Variants in SIPA1L2 observed in about 807,000 individuals in gnomAD.
The protein encoded by SIPA1L2 is signal-induced proliferation-associated 1-like protein 2.
SIPA1L2 carries 56 observed loss-of-function variants against 163.9 expected under a neutral mutation model. The observed-to-expected ratio is 0.34, with a 90% CI of 0.28 to 0.43. The LOEUF (loss-of-function observed/expected upper bound fraction) is 0.43. Ranked by LOEUF, SIPA1L2 falls within the 20% of genes least tolerant of loss-of-function variation. The probability of loss-of-function intolerance (pLI) is 1.00; values close to 1 mark genes in which losing one functional copy is unlikely to be tolerated. For synonymous variants in SIPA1L2, 877 were observed against 865.7 expected (o/e 1.01, Z -0.23); for missense variants, 1,974 against 2,193.5 (o/e 0.90, Z 2.00).
intron 12 of SIPA1L2, among the ~76,000 whole-genome samples, chr1:232,442,699 A>G (rs1016081263): frequency 2.0e-5 from 3 of 152,230 alleles, no homozygotes; most frequent in African/African-American, 7.2e-5. Flanking sequence ...ATTCTGGTTG[A>G]AGACCTTGGT....
intron 1 of SIPA1L2, among the ~76,000 whole-genome samples, chr1:232,601,086 C>A (rs1308552192): frequency 6.6e-6 from 1 of 152,148 alleles, no homozygotes; most frequent in Non-Finnish European, 1.5e-5. Flanking sequence ...AGCAAGGGAC[C>A]AGCCAGGGAG....
chr1:232,626,887 AGGTGGTAGAGGCAG>A (rs1663104986), intron 1 of SIPA1L2, among the ~76,000 whole-genome samples: 1 of 152,212 alleles, frequency 6.6e-6, no homozygotes, highest in Admixed American at 6.5e-5. Context: ...CATTTGTGAC[AGGTGGTAGAGGCAG>A]GAAGCTCAAG....
At chr1:232,479,792 T>C (rs1470302729) in intron 6 of SIPA1L2, 62 bp from the exon 7 acceptor site, 18 of 1,448,138 alleles carry the variant, frequency 1.2e-5, no homozygotes, top group Non-Finnish European at 1.6e-5. Context: ...GCTTCGATAT[T>C]TAAAAGGTTA....
intron 3 of SIPA1L2, among the ~76,000 whole-genome samples, chr1:232,500,176 CT>C (rs1214900948): frequency 6.6e-6 from 1 of 152,234 alleles, no homozygotes; most frequent in East Asian, 1.9e-4. Context: ...CAAAATATTA[CT>C]GCTTATTGAC....
At chr1:232,562,092 C>T (rs1169058167) in intron 2 of SIPA1L2, among the ~76,000 whole-genome samples, 1 of 152,118 alleles carries the variant, frequency 6.6e-6, no homozygotes, top group African/African-American at 2.4e-5. Context: ...GGGCAGAGGA[C>T]ACTGGAGAAG....
chr1:232,541,303 G>T (rs955134392), intron 2 of SIPA1L2, among the ~76,000 whole-genome samples: 8 of 112,970 alleles, frequency 7.1e-5, no homozygotes, highest in African/African-American at 1.2e-4. Flanking sequence ...TAACATAACA[G>T]AATATATCTT....
At chr1:232,470,948 G>A (rs1363741188) in intron 8 of SIPA1L2, among the ~76,000 whole-genome samples, 4 of 152,248 alleles carry the variant, frequency 2.6e-5, no homozygotes, top group African/African-American at 4.8e-5. Flanking sequence ...TCCAAGGCAC[G>A]CATGTGGCCT....
At chr1:232,411,407 T>A (rs1397278378) in intron 19 of SIPA1L2, among the ~76,000 whole-genome samples, 1 of 152,196 alleles carries the variant, frequency 6.6e-6, no homozygotes, top group African/African-American at 2.4e-5. Context: ...ATGGCACAGT[T>A]CTGCACAGGT....
chr1:232,449,100 T>A lies in SIPA1L2; in HGVS notation c.3096-3314A>T, dbSNP rs145348000. ...CCATCCAATCACTCTGCAGTGAAGC[T>A]CATGGAACAACTAGATCGCTGAAGA... is the stretch of plus-strand genomic sequence containing the variant. On this transcript the variant is annotated intron_variant, in intron 10 of 22. Transcript: ENST00000674635. Among the ~76,000 whole-genome samples the A allele has an allele frequency of 5.8e-3, 876 of 151,892 alleles. 8 individuals carry two copies. Among genetic ancestry groups the A allele is most frequent in the African/African-American group, 0.02 (827 of 41,406 alleles).
At chr1:232,550,006 T>C (rs535166117) in intron 2 of SIPA1L2, among the ~76,000 whole-genome samples, 1 of 152,218 alleles carries the variant, frequency 6.6e-6, no homozygotes, top group Non-Finnish European at 1.5e-5. Context: ...AAATAGAGAA[T>C]AGCTGATCAA....
chr1:232,538,307 A>C (rs1243508219), intron 2 of SIPA1L2, among the ~76,000 whole-genome samples: 1 of 152,188 alleles, frequency 6.6e-6, no homozygotes, highest in Admixed American at 6.5e-5. Context: ...GGTATGGGGC[A>C]GATGAGGAAG....
chr1:232,490,046 A>T (rs1244546332), intron 5 of SIPA1L2, among the ~76,000 whole-genome samples: 1 of 152,158 alleles, frequency 6.6e-6, no homozygotes, highest in Non-Finnish European at 1.5e-5. Context: ...CCTAAAATAC[A>T]GCTCTGATCA....
Position 232,499,697 on chromosome 1 carries a change from C to T in SIPA1L2, c.1484-6037G>A, listed in dbSNP as rs60555755. On this transcript the variant is annotated intron_variant, in intron 3 of 22. Transcript: ENST00000674635. ...AGATGACAGTGGCTACGATAAACAA[C>T]ACACTTTCAATACAGATGAAACAGC... Among the ~76,000 whole-genome samples, 5,442 of 152,286 alleles carry T rather than the reference C, an allele frequency of 0.036. 893 individuals are homozygous for T. The East Asian group carries it at 0.55, about 15-fold the overall frequency.
intron 10 of SIPA1L2, among the ~76,000 whole-genome samples, chr1:232,447,681 T>C (rs1663298388): frequency 6.6e-6 from 1 of 152,210 alleles, no homozygotes; most frequent in African/African-American, 2.4e-5. Flanking sequence ...ATATTCATGG[T>C]TTTGGTTCTG....
chr1:232,525,963 T>C (rs2103071189), intron 2 of SIPA1L2, among the ~76,000 whole-genome samples: 1 of 152,296 alleles, frequency 6.6e-6, no homozygotes, highest in Non-Finnish European at 1.5e-5. Context: ...GAGGAATAAC[T>C]TGTGCCCAAT....
In SIPA1L2 at chr1:232,439,502, G is replaced by A; in HGVS notation, c.3643-6C>T. The A allele has an allele frequency of 6.2e-7, 1 of 1,607,198 alleles. No homozygotes were observed. The highest frequency in any genetic ancestry group is 1.1e-5 in the South Asian group (1 of 90,146). On this transcript the variant is annotated splice_polypyrimidine_tract_variant and splice_region_variant and intron_variant, in intron 14 of 22. Coordinates refer to ENST00000674635, the MANE Select transcript of SIPA1L2 (RefSeq NM_020808.5). ...GAGCAACTTTTATCCCCAATCTTCA[G>A]AAGAAAGAGGAACAGAGAGTTCTCA...
intron 1 of SIPA1L2, among the ~76,000 whole-genome samples, chr1:232,579,781 G>GA (rs1421771076): frequency 2.0e-5 from 3 of 152,120 alleles, no homozygotes; most frequent in Non-Finnish European, 4.4e-5. Flanking sequence ...ATTAATAGGA[G>GA]AAAAAGCAAA....
At chr1:232,574,430 G>T (rs932270268) in intron 1 of SIPA1L2, among the ~76,000 whole-genome samples, 1 of 143,760 alleles carries the variant, frequency 7.0e-6, no homozygotes, top group African/African-American at 2.5e-5. Context: ...GATAGCACAA[G>T]AGATTGAATG....
At chr1:232,558,000 AGT>A (rs1441484805) in intron 2 of SIPA1L2, among the ~76,000 whole-genome samples, 1 of 152,246 alleles carries the variant, frequency 6.6e-6, no homozygotes, top group East Asian at 1.9e-4. Flanking sequence ...CTGTATGGAG[AGT>A]AAGCCAAAAC....
Sources: gnomAD v4.1 joint callset for allele counts (sites outside exome capture counted in the v4.1 genomes callset) on GRCh38, gnomAD v4.1.1 for gene constraint, MANE v1.5 for transcripts, NCBI Gene and HGNC (gene_info 2026-07-23, HGNC 2026-07-21) for gene names.